CPA1: variants seen among roughly 807,000 people sequenced by gnomAD.
CPA1 encodes carboxypeptidase A1 (pancreatic).
In CPA1, 42 loss-of-function variants were observed where a neutral mutation model predicts 48.7. The observed-to-expected ratio is 0.86, with a 90% CI of 0.67 to 1.11. The LOEUF is 1.11. Among genes scored for constraint, CPA1 ranks in the 50% most tolerant of loss-of-function variants. CPA1 has a pLI of 0.00. For missense variants in CPA1, 477 were observed against 544.7 expected (o/e 0.88, Z 1.24); for synonymous variants, 203 against 217.9 (o/e 0.93, Z 0.60).
At chr7:130,381,961 C>T (rs1442896890) in intron 3 of CPA1, 98 bp downstream of exon 3, 12 of 1,238,988 alleles carry the variant, frequency 9.7e-6, no homozygotes, top group Non-Finnish European at 1.0e-5. Flanking sequence ...CCTGGGTGTG[C>T]GCAGCGCCTG....
rs372247084 is a variant in CPA1, at chr7:130,384,504, C to T, written c.697-32C>T. Reference sequence around the variant, plus strand: ...GCACTGTGACAAGCGTCACACGTGCCTCGGGGTGGCTGATCCCATTTCCTT... The same window carrying T: ...GCACTGTGACAAGCGTCACACGTGCTTCGGGGTGGCTGATCCCATTTCCTT... On this transcript the variant is annotated intron_variant, in intron 6 of 9. Coordinates refer to ENST00000011292, the MANE Select transcript of CPA1 (RefSeq NM_001868.4). The T allele has an allele frequency of 1.9e-6, 3 of 1,594,994 alleles. No homozygotes were observed. The African/African-American group carries it at 4.0e-5, about 21-fold the overall frequency.
Position 130,382,090 on chromosome 7 carries a change from T to A in CPA1, c.382-18T>A, listed in dbSNP as rs1554411300. On this transcript the variant is annotated intron_variant, in intron 3 of 9. Transcript: ENST00000011292. Reference sequence around the variant, plus strand: ...CCAGAAGCTATTAAGGCCAGTGGTCTCTTCTTTCACACCTCAGATCTATGA... The same window carrying A: ...CCAGAAGCTATTAAGGCCAGTGGTCACTTCTTTCACACCTCAGATCTATGA... 1.2e-6 allele frequency: 2 copies of A among 1,607,294 alleles called. No homozygotes were observed. The highest frequency in any genetic ancestry group is 2.2e-5 in the South Asian group (2 of 90,820).
At chr7:130,382,567 G>A (rs994333672) in intron 4 of CPA1, among the ~76,000 whole-genome samples, 9 of 151,192 alleles carry the variant, frequency 6.0e-5, no homozygotes, top group South Asian at 2.1e-4. Flanking sequence ...GGGTTCAAGC[G>A]ATTCTCCTGC....
At position 130,387,884 on chromosome 7, in the gene CPA1, C is replaced by A; in HGVS notation, c.1133C>A (p.Thr378Asn). 1 of 1,614,168 alleles carries A rather than the reference C, an allele frequency of 6.2e-7. No individual in the cohort carries two copies. The highest frequency in any genetic ancestry group is 8.5e-7 in the Non-Finnish European group (1 of 1,180,028). Residue 378 changes from threonine (T) to asparagine (N), a missense_variant, in exon 10 of 10, where the codon ACC (threonine) becomes AAC (asparagine). Transcript: ENST00000011292. This position sits in a 1 kb window ranked among gnomAD's most constrained non-coding sequence, Gnocchi z 4.6. ...TYSQGIKYSF[T>N]FELRDTGRYG... ...AGCCAGGGCATCAAGTACTCCTTCA[C>A]CTTCGAGCTCCGGGACACTGGGCGC...
chr7:130,384,682 C>T (rs908468553), intron 7 of CPA1, 56 bp downstream of exon 7: 372 of 1,417,000 alleles, frequency 2.6e-4, no homozygotes, highest in Non-Finnish European at 3.3e-4. Flanking sequence ...TGGCTCCTCA[C>T]CACTGCTCTT....
In CPA1 at chr7:130,381,125, C is replaced by G. The variant is rs565451182; in HGVS notation, c.93C>G (p.Ala31=). The G allele has an allele frequency of 7.4e-6, 12 of 1,613,444 alleles. No homozygotes were observed. The highest frequency in any genetic ancestry group is 1.0e-5 in the Non-Finnish European group (12 of 1,179,820). ...VGHQVLRISV[A]DEAQVQKVKE... ...ATCAGGTGCTCCGAATCTCTGTAGC[C>G]GATGAGGCCCAGGTACAGAAGGTGA... The change falls in exon 2 of 10, where the codon GCC becomes GCG. Residue 31 remains alanine (A), a synonymous_variant. Transcript: ENST00000011292.
intron 7 of CPA1, 75 bp downstream of exon 7, chr7:130,384,701 C>T (rs1796451169): frequency 7.9e-7 from 1 of 1,262,900 alleles, no homozygotes; most frequent in African/African-American, 1.5e-5. Context: ...TTGCTCCCCG[C>T]CTCTCTCCTG....
rs1158485714 is a variant in CPA1, at chr7:130,380,601, G to A, written c.65+16G>A. ...ACTTTGTGGGGTAGGGATGTGGAGA[G>A]GAGGGGGTGCCCTCTGAGGGTGATG... On this transcript the variant is annotated intron_variant, in intron 1 of 9. Coordinates refer to ENST00000011292, the MANE Select transcript of CPA1 (RefSeq NM_001868.4). The A allele has an allele frequency of 1.5e-6, 2 of 1,293,496 alleles. No individual in the cohort carries two copies. The allele number at this position is 1,293,496 out of a possible 1,614,324, so 80.1% of individuals were successfully genotyped here.
rs781953465 is a variant in CPA1 at position 130,381,148 on chromosome 7, T to C, written c.116T>C (p.Val39Ala). ...GCCGATGAGGCCCAGGTACAGAAGG[T>C]GAAGGAGCTGGAGGACCTGGAGCAC... ...SVADEAQVQKVKELEDLEHLQ... is the reference protein window; with the variant it reads ...SVADEAQVQKAKELEDLEHLQ... The change falls in exon 2 of 10, where the codon GTG (valine) becomes GCG (alanine). Residue 39 changes from valine (V) to alanine (A), a missense_variant. By Grantham distance (64) the Val-to-Ala change is moderately conservative. Coordinates refer to ENST00000011292, the MANE Select transcript of CPA1 (RefSeq NM_001868.4). The C allele has an allele frequency of 1.9e-6, 3 of 1,613,278 alleles. No homozygotes were observed. The South Asian group carries it at 3.3e-5, about 18-fold the overall frequency.
At position 130,384,646 on chromosome 7, in the gene CPA1, G is replaced by C; in HGVS notation, c.787+20G>C. Reference sequence around the variant, plus strand: ...TTGGGTGTAAGGCCCAGAGTGTCTTGGGAGCAAGGATGGGATGGCCTCGAA... The same window carrying C: ...TTGGGTGTAAGGCCCAGAGTGTCTTCGGAGCAAGGATGGGATGGCCTCGAA... On this transcript the variant is annotated intron_variant, in intron 7 of 9. Coordinates refer to ENST00000011292, the MANE Select transcript of CPA1 (RefSeq NM_001868.4). The C allele has an allele frequency of 1.9e-5, 31 of 1,604,528 alleles. No homozygotes were observed. Among genetic ancestry groups the C allele is most frequent in the Non-Finnish European group, 2.6e-5 (31 of 1,171,364 alleles).
Position 130,382,195 on chromosome 7 carries a change from A to C in CPA1, c.469A>C (p.Ile157Leu). The change falls in exon 4 of 10, where the codon ATT becomes CTT. Residue 157 changes from isoleucine to leucine, a missense_variant. Ile to Leu is a conservative substitution (Grantham distance 5). Transcript: ENST00000011292. ...TGGCAACACCTATGAAGGGCGTCCC[A>C]TTTACGTGCTGAAGGTAACATCCAC... is the stretch of plus-strand genomic sequence containing the variant. Reference protein sequence around the residue: ...QIGNTYEGRPIYVLKFSTGGS... With the variant: ...QIGNTYEGRPLYVLKFSTGGS... 6.2e-7 allele frequency: 1 copy of C among 1,614,058 alleles called. No homozygotes were observed. The highest frequency in any genetic ancestry group is 8.5e-7 in the Non-Finnish European group (1 of 1,179,888).
chr7:130,385,347 T>C lies in CPA1; in HGVS notation c.987+2T>C, dbSNP rs989343709. On this transcript the variant is annotated splice_donor_variant, in intron 8 of 9. Coordinates refer to ENST00000011292, the MANE Select transcript of CPA1 (RefSeq NM_001868.4). LOFTEE classifies it high-confidence loss of function. ...CCAGTCCCTGACCAGGATGAGCTGG[T>C]AGGCACTGACCTCGGCTTGCCCCCT... The C allele has an allele frequency of 1.2e-6, 2 of 1,614,018 alleles. No individual in the cohort carries two copies. Among genetic ancestry groups the C allele is most frequent in the Middle Eastern group, 1.7e-4 (1 of 6,018 alleles).
In CPA1 at chr7:130,383,669, C is replaced by G. The variant is rs183206711; in HGVS notation, c.586-15C>G. On this transcript the variant is annotated splice_polypyrimidine_tract_variant and intron_variant, in intron 5 of 9. Coordinates refer to ENST00000011292, the MANE Select transcript of CPA1 (RefSeq NM_001868.4). ...GCCCAGCCTGCGCTGCCCCTCTGCTCCTCTAACCCCCCAGATCACTCAAGA... is the reference window on the plus strand; with the variant it reads ...GCCCAGCCTGCGCTGCCCCTCTGCTGCTCTAACCCCCCAGATCACTCAAGA... 2.2e-3 allele frequency: 3,497 copies of G among 1,600,982 alleles called. 3 individuals are homozygous for G. The highest frequency in any genetic ancestry group is 2.8e-3 in the Non-Finnish European group (3,241 of 1,168,078).
chr7:130,384,095 T>C, intron 6 of CPA1: 1 of 465,934 alleles, frequency 2.1e-6, no homozygotes, highest in Non-Finnish European at 3.9e-6. Flanking sequence ...TATTGCAAAA[T>C]ATCGCAGGGG....
chr7:130,385,467 C>T, intron 8 of CPA1, 122 bp downstream of exon 8: 1 of 906,970 alleles, frequency 1.1e-6, no homozygotes, highest in Non-Finnish European at 1.7e-6. Flanking sequence ...CCTTCCTTCC[C>T]TGATGGCTTG....
At chr7:130,384,694 C>A in intron 7 of CPA1, 68 bp downstream of exon 7, 1 of 1,256,736 alleles carries the variant, frequency 8.0e-7, no homozygotes, top group Non-Finnish European at 1.1e-6. Context: ...ACTGCTCTTG[C>A]TCCCCGCCTC....
chr7:130,381,042 T>C, intron 1 of CPA1, 56 bp from the exon 2 acceptor site: 1 of 1,438,790 alleles, frequency 7.0e-7, no homozygotes, highest in Non-Finnish European at 9.7e-7. Context: ...TGGGGAGTGC[T>C]TGTGGCCAGG....
chr7:130,384,492 C>T lies in CPA1; in HGVS notation c.697-44C>T, dbSNP rs111525993. 997 of 1,525,306 alleles carry T rather than the reference C, an allele frequency of 6.5e-4. 4 individuals carry two copies. The African/African-American group carries it at 7.9e-3, about 12-fold the overall frequency. The allele number at this position is 1,525,306 out of a possible 1,614,324, so 94.5% of individuals were successfully genotyped here. ...ACCCCCCACCCAGCACTGTGACAAG[C>T]GTCACACGTGCCTCGGGGTGGCTGA... is the stretch of plus-strand genomic sequence containing the variant. On this transcript the variant is annotated intron_variant, in intron 6 of 9. Transcript: ENST00000011292.
At chr7:130,384,659 G>A (rs782581515) in intron 7 of CPA1, 33 bp downstream of exon 7, 2 of 1,568,580 alleles carry the variant, frequency 1.3e-6, no homozygotes, top group South Asian at 2.2e-5. Context: ...AGCAAGGATG[G>A]GATGGCCTCG....
Sources: allele counts gnomAD v4.1 joint callset (sites outside exome capture counted in the v4.1 genomes callset), GRCh38; gene constraint gnomAD v4.1.1; non-coding constraint Gnocchi (gnomAD v3.1); transcripts MANE v1.5; gene names NCBI Gene and HGNC (gene_info 2026-07-23, HGNC 2026-07-21).